WARS1: variants seen among roughly 807,000 people sequenced by gnomAD.
The protein encoded by WARS1 is tryptophanyl-tRNA synthetase 1.
WARS1 carries 17 observed loss-of-function variants against 47.8 expected under a neutral mutation model. That is an observed-to-expected ratio of 0.36 (90% CI 0.24 to 0.53). The LOEUF (loss-of-function observed/expected upper bound fraction) is 0.53, where lower values mean the gene tolerates loss of function less well. Among genes scored for constraint, WARS1 ranks in the 20% least tolerant of loss-of-function variants. The pLI is 0.91. For missense variants in WARS1, 434 were observed against 608.0 expected (o/e 0.71, Z 3.01); for synonymous variants, 208 against 228.1 (o/e 0.91, Z 0.79).
intron 7 of WARS1, among the ~76,000 whole-genome samples, chr14:100,343,617 T>C (rs986883829): frequency 5.9e-5 from 9 of 152,152 alleles, no homozygotes; most frequent in Admixed American, 3.9e-4. Context: ...ACACTATATT[T>C]GGTCTTTCCT....
intron 3 of WARS1, among the ~76,000 whole-genome samples, chr14:100,361,434 A>G (rs1178002742): frequency 2.0e-5 from 3 of 152,226 alleles, no homozygotes; most frequent in Non-Finnish European, 4.4e-5. Context: ...ACCTTTCCCA[A>G]GTTCTGAAGT....
At chr14:100,342,071 A>G (rs1894197537) in intron 9 of WARS1, 2 of 349,246 alleles carry the variant, frequency 5.7e-6, no homozygotes, top group Non-Finnish European at 1.1e-5. Flanking sequence ...ATTTAATAAC[A>G]TCCACACTAA....
chr14:100,349,957 A>C (rs1323363305), intron 6 of WARS1, among the ~76,000 whole-genome samples: 1 of 152,262 alleles, frequency 6.6e-6, no homozygotes, highest in African/African-American at 2.4e-5. Context: ...GAAACTCTTA[A>C]AGTAAAATGT....
At chr14:100,374,429 C>T (rs543964084) in intron 1 of WARS1, among the ~76,000 whole-genome samples, 2 of 152,348 alleles carry the variant, frequency 1.3e-5, no homozygotes, top group Admixed American at 6.5e-5. Flanking sequence ...CCCAGTTCCC[C>T]CTTTTCAAGA....
intron 2 of WARS1, among the ~76,000 whole-genome samples, chr14:100,366,322 C>T (rs545273639): frequency 8.5e-5 from 13 of 152,262 alleles, no homozygotes; most frequent in East Asian, 3.9e-4. Context: ...GACCTTGACA[C>T]GAAAGATTCC....
chr14:100,365,904 T>C (rs1420606082), intron 2 of WARS1: 3 of 415,702 alleles, frequency 7.2e-6, no homozygotes, highest in Non-Finnish European at 1.5e-5. Context: ...GAGTGTACAC[T>C]GTTACGGAAT....
At chr14:100,350,114 T>C (rs983130125) in intron 6 of WARS1, among the ~76,000 whole-genome samples, 3 of 152,122 alleles carry the variant, frequency 2.0e-5, no homozygotes, top group Non-Finnish European at 2.9e-5. Flanking sequence ...AAAAAGGAAG[T>C]TCCCGACCAG....
At chr14:100,370,344 A>G (rs941930) in intron 1 of WARS1, 144,801 of 152,176 alleles carry the variant, frequency 0.95, 69,304 homozygotes, top group East Asian at 1. Flanking sequence ...AAATGGCGCC[A>G]CCAGGAACTT....
Position 100,334,711 on chromosome 14 carries a change from C to T in WARS1, c.*164G>A. On this transcript the variant is annotated 3_prime_UTR_variant, in exon 11 of 11. Transcript: ENST00000392882. ...CCCATAAGAGATAGAAATAATGGAACTCACAGGAAGAAACAGTATTGATAA... is the reference window on the plus strand; with the variant it reads ...CCCATAAGAGATAGAAATAATGGAATTCACAGGAAGAAACAGTATTGATAA... 9 of 716,878 alleles carry T rather than the reference C, an allele frequency of 1.3e-5. No individual in the cohort carries two copies. In the South Asian group the frequency reaches 1.9e-4, roughly 15 times the overall value. 44.4% of individuals were successfully genotyped at this position (716,878 alleles called of 1,614,324 possible). A position where few individuals can be genotyped will look rare whatever the true frequency, so the allele number is the denominator to read the frequency against.
chr14:100,343,345 C>T lies in WARS1; in HGVS notation c.869G>A (p.Ser290Asn), dbSNP rs780688625. The change falls in exon 8 of 11, where the codon AGC becomes AAC. Residue 290 changes from serine (S) to asparagine (N), a missense_variant. By Grantham distance (46) the Ser-to-Asn change is conservative. Around this residue, in one of 2 missense-constraint regions of WARS1, gnomAD observed 347 missense variants for 523.8 expected, o/e 0.66. Coordinates refer to ENST00000392882, the MANE Select transcript of WARS1 (RefSeq NM_004184.4). ...FPAIQAAPSF[S>N]NSFPQIFRDR... is the part of the protein sequence containing the mutation. ...TCGGAAGATCTGTGGGAATGAGTTG[C>T]TGAAGGAGGGAGCAGCCTGGATGGC... 4 of 1,613,252 alleles carry T rather than the reference C, an allele frequency of 2.5e-6. No homozygotes were observed. The highest frequency in any genetic ancestry group is 3.4e-6 in the Non-Finnish European group (4 of 1,179,530).
chr14:100,365,947 C>CACTT lies in WARS1; in HGVS notation c.99+3136_99+3139dup, dbSNP rs1332570846. 99 of 449,720 alleles carry CACTT rather than the reference C, an allele frequency of 2.2e-4. 1 individual carries two copies. In the East Asian group the frequency reaches 6.3e-3, roughly 28 times the overall value. The allele number at this position is 449,720 out of a possible 1,614,324, so 27.9% of individuals were successfully genotyped here. A position where few individuals can be genotyped will look rare whatever the true frequency, so the allele number is the denominator to read the frequency against. On this transcript the variant is annotated intron_variant, in intron 2 of 10. Transcript: ENST00000392882. ...AGGTTCGGGCCTTAGTGACCTTGCGCACTTACAGGAGTGGGGGCAGGAAAG... is the reference window on the plus strand; with the variant it reads ...AGGTTCGGGCCTTAGTGACCTTGCGCACTTACTTACAGGAGTGGGGGCAGGAAAG...
rs1261045429 is a variant in WARS1 at position 100,337,307 on chromosome 14, G to C, written c.1114-105C>G. ...GAAGTCAGAGGTGTGAGTGCTGTCAGATTCTGGACCCGGGAAAGGCCAAGG... is the reference window on the plus strand; with the variant it reads ...GAAGTCAGAGGTGTGAGTGCTGTCACATTCTGGACCCGGGAAAGGCCAAGG... On this transcript the variant is annotated intron_variant, in intron 9 of 10. Transcript: ENST00000392882. 3.3e-6 allele frequency: 5 copies of C among 1,531,760 alleles called. No homozygotes were observed. The Admixed American group carries it at 8.7e-5, about 27-fold the overall frequency. 94.9% of individuals were successfully genotyped at this position (1,531,760 alleles called of 1,614,324 possible).
intron 9 of WARS1, 27 bp from the exon 10 acceptor site, chr14:100,337,229 C>A: frequency 1.9e-6 from 3 of 1,607,860 alleles, no homozygotes; most frequent in Non-Finnish European, 2.6e-6. Context: ...CACAGACACG[C>A]TCCTCAGTCC....
upstream of WARS1, chr14:100,376,150 C>T (rs922069451): frequency 1.5e-4 from 28 of 190,878 alleles, no homozygotes; most frequent in African/African-American, 6.1e-4. Flanking sequence ...GCAAGCCGGG[C>T]TCTAAGGATA....
chr14:100,364,719 TG>T (rs1021442962), intron 2 of WARS1, among the ~76,000 whole-genome samples: 5 of 152,184 alleles, frequency 3.3e-5, no homozygotes, highest in African/African-American at 1.2e-4. Flanking sequence ...TGAACATAAC[TG>T]CAGTCACTAA....
chr14:100,371,447 CA>C (rs60977618), intron 1 of WARS1, among the ~76,000 whole-genome samples: 2,783 of 88,906 alleles, frequency 0.031, 117 homozygotes, highest in African/African-American at 0.089. Context: ...GGTTCTGTCT[CA>C]AAAAAAAAAA....
At chr14:100,360,792 C>T in intron 3 of WARS1, 130 bp from the exon 4 acceptor site, 1 of 562,370 alleles carries the variant, frequency 1.8e-6, no homozygotes, top group Non-Finnish European at 3.1e-6. Flanking sequence ...AGGCCTTCTG[C>T]TAAAGGTCCT....
chr14:100,341,249 C>CA (rs1422441678), intron 9 of WARS1, among the ~76,000 whole-genome samples: 4 of 152,152 alleles, frequency 2.6e-5, no homozygotes, highest in Non-Finnish European at 1.5e-5. Context: ...TTCTCAGAAG[C>CA]AAAATAAAAC....
At chr14:100,366,756 C>T (rs936414191) in intron 2 of WARS1, 25 of 940,236 alleles carry the variant, frequency 2.7e-5, no homozygotes, top group Admixed American at 1.2e-4. Flanking sequence ...CTAAGGGATC[C>T]GTGGGGCCAC....
Sources: allele counts gnomAD v4.1 joint callset (sites outside exome capture counted in the v4.1 genomes callset), GRCh38; gene constraint gnomAD v4.1.1; regional missense constraint gnomAD v4.1.1; transcripts MANE v1.5; gene names NCBI Gene and HGNC (gene_info 2026-07-23, HGNC 2026-07-21).